PSMF1: variants seen among roughly 807,000 people sequenced by gnomAD.
The protein encoded by PSMF1 is proteasome inhibitor subunit 1, also known as proteasome inhibitor PI31 subunit.
In PSMF1, 30 loss-of-function variants were observed where a neutral mutation model predicts 29.3. The ratio of observed to expected loss-of-function variants is 1.02; its 90% confidence interval spans 0.77 to 1.39. The LOEUF (loss-of-function observed/expected upper bound fraction) is 1.39. Ranked by LOEUF, PSMF1 falls within the 40% of genes most tolerant of loss-of-function variation. The pLI, the probability that PSMF1 is intolerant of heterozygous loss-of-function variation, is 0.00. For missense variants in PSMF1, 344 were observed against 357.5 expected, an observed-to-expected ratio of 0.96 and a Z score of 0.31; for synonymous variants, 134 against 139.7, an observed-to-expected ratio of 0.96 and a Z score of 0.29.
chr20:1,161,800 G>A (rs751296810), intron 4 of PSMF1: 1 of 348,254 alleles, frequency 2.9e-6, no homozygotes, highest in Non-Finnish European at 5.4e-6. Context: ...TCACAAAACT[G>A]GAATAAGCTT....
At chr20:1,151,943 G>C (rs1248618241) in intron 4 of PSMF1, among the ~76,000 whole-genome samples, 1 of 152,160 alleles carries the variant, frequency 6.6e-6, no homozygotes, top group African/African-American at 2.4e-5. Context: ...CATGTGAAGG[G>C]AGAAAAGATG....
At chr20:1,143,889 G>A (rs2086414951) in intron 4 of PSMF1, among the ~76,000 whole-genome samples, 8 of 152,134 alleles carry the variant, frequency 5.3e-5, no homozygotes, top group South Asian at 2.1e-4. Context: ...CCAGGAATTC[G>A]AGATCAGCCT....
At chr20:1,160,797 G>C (rs1182623555) in intron 4 of PSMF1, 1 of 434,616 alleles carries the variant, frequency 2.3e-6, no homozygotes, top group African/African-American at 2.0e-5. Flanking sequence ...GTACCCCATC[G>C]AGCACAGGAT....
chr20:1,133,643 G>A (rs1054330328), intron 3 of PSMF1, among the ~76,000 whole-genome samples: 4 of 143,292 alleles, frequency 2.8e-5, no homozygotes, highest in African/African-American at 1.0e-4. Context: ...GAAATGGATT[G>A]GAACGTATTC....
rs60728448 is a variant in PSMF1, at chr20:1,133,555, G to GTGTGTA, written c.366-1565_366-1564insGTGTAT. Among the ~76,000 whole-genome samples, 121 of 53,978 alleles carry GTGTGTA rather than the reference G, an allele frequency of 2.2e-3. 4 individuals carry two copies. The highest frequency in any genetic ancestry group is 7.3e-3 in the African/African-American group (115 of 15,718). The allele number at this position is 53,978 out of a possible 152,430, so 35.4% of individuals were successfully genotyped here. On this transcript the variant is annotated intron_variant, in intron 3 of 6. Coordinates refer to ENST00000335877, the MANE Select transcript of PSMF1 (RefSeq NM_006814.5). The stretch of plus-strand genomic sequence containing the variant: ...ATAGGATATACTAGTCTATATATGT[G>GTGTGTA]TATATATATATATATTTTTTTTTTT...
At chr20:1,138,571 A>G (rs1407047882) in intron 4 of PSMF1, among the ~76,000 whole-genome samples, 2 of 151,644 alleles carry the variant, frequency 1.3e-5, no homozygotes, top group African/African-American at 4.9e-5. Context: ...GTTCATCTCG[A>G]TAGAAAAATA....
chr20:1,130,382 A>C (rs765451337), intron 3 of PSMF1, among the ~76,000 whole-genome samples: 5 of 152,210 alleles, frequency 3.3e-5, no homozygotes, highest in Non-Finnish European at 5.9e-5. Context: ...TAGGATAAAG[A>C]GCACAATCCT....
chr20:1,169,763 T>C lies in PSMF1; in HGVS notation c.*4683T>C, dbSNP rs1300617161. On this transcript the variant is annotated 3_prime_UTR_variant, in exon 7 of 7. Transcript: ENST00000335877. Reference sequence around the variant, plus strand: ...TAGCTCATCCAAGTTCAAGGCTCAATTGAATGCGTCTGGTTGTTGGAACCT... The same window carrying C: ...TAGCTCATCCAAGTTCAAGGCTCAACTGAATGCGTCTGGTTGTTGGAACCT... Among the ~76,000 whole-genome samples the C allele has an allele frequency of 6.6e-6, 1 of 152,182 alleles. No individual in the cohort carries two copies. Among genetic ancestry groups the C allele is most frequent in the Non-Finnish European group, 1.5e-5 (1 of 68,028 alleles).
chr20:1,122,982 G>A (rs889020853), intron 1 of PSMF1, among the ~76,000 whole-genome samples: 1 of 152,158 alleles, frequency 6.6e-6, no homozygotes, highest in African/African-American at 2.4e-5. Flanking sequence ...TCAAATTCCT[G>A]GCTTCCAAAG....
chr20:1,122,794 G>A (rs961130713), intron 1 of PSMF1, among the ~76,000 whole-genome samples: 1 of 152,234 alleles, frequency 6.6e-6, no homozygotes, highest in Admixed American at 6.5e-5. Context: ...TGCAGTTAGA[G>A]ATATCAGTTT....
chr20:1,124,139 A>G (rs750264610), intron 1 of PSMF1, among the ~76,000 whole-genome samples: 10 of 152,220 alleles, frequency 6.6e-5, no homozygotes, highest in Non-Finnish European at 1.3e-4. Flanking sequence ...GTCTCTGTAG[A>G]ACAGAAGCTT....
At chr20:1,140,730 TATA>T (rs1246246960) in intron 4 of PSMF1, among the ~76,000 whole-genome samples, 1 of 152,196 alleles carries the variant, frequency 6.6e-6, no homozygotes, top group African/African-American at 2.4e-5. Flanking sequence ...GTATCCAGAA[TATA>T]TAAAGAGCTC....
chr20:1,143,811 C>T (rs1462088446), intron 4 of PSMF1, among the ~76,000 whole-genome samples: 1 of 152,100 alleles, frequency 6.6e-6, no homozygotes, highest in East Asian at 1.9e-4. Context: ...AAAATGAAGG[C>T]CAGGCATGGT....
At chr20:1,159,623 C>CG (rs967491597) in intron 4 of PSMF1, among the ~76,000 whole-genome samples, 3 of 152,146 alleles carry the variant, frequency 2.0e-5, no homozygotes, top group Non-Finnish European at 2.9e-5. Flanking sequence ...CCACTCTGGG[C>CG]GGGGGGGCAC....
rs763498006 is a variant in PSMF1 at position 1,165,105 on chromosome 20, G to C, written c.*25G>C. ...AAGGCCTCAAGAATGTAACATCCCA[G>C]GCTTCCCTCCATTCTCCTGGAGCTG... is the stretch of plus-strand genomic sequence containing the variant. On this transcript the variant is annotated 3_prime_UTR_variant, in exon 7 of 7. Coordinates refer to ENST00000335877, the MANE Select transcript of PSMF1 (RefSeq NM_006814.5). 6 of 1,613,994 alleles carry C rather than the reference G, an allele frequency of 3.7e-6. No individual in the cohort carries two copies. The highest frequency in any genetic ancestry group is 4.2e-6 in the Non-Finnish European group (5 of 1,180,014).
chr20:1,157,546 A>G (rs1189458045), intron 4 of PSMF1, among the ~76,000 whole-genome samples: 3 of 151,880 alleles, frequency 2.0e-5, no homozygotes, highest in South Asian at 2.1e-4. Context: ...CTTATGTCAC[A>G]TGATAAAGGA....
At chr20:1,113,560 C>T (rs1568992192) in intron 1 of PSMF1, among the ~76,000 whole-genome samples, 1 of 151,702 alleles carries the variant, frequency 6.6e-6, no homozygotes. Context: ...ACAGGTGGAA[C>T]ATAGTCCTGG....
chr20:1,134,848 CCCCTACA>C, intron 3 of PSMF1: 2 of 510,536 alleles, frequency 3.9e-6, no homozygotes, highest in Middle Eastern at 5.9e-4. Context: ...AGGCCCTGTG[CCCCTACA>C]CCCTCACCTC....
At chr20:1,125,897 A>T (rs770287229) in intron 2 of PSMF1, 1 of 651,136 alleles carries the variant, frequency 1.5e-6, no homozygotes, top group Middle Eastern at 2.5e-4. Context: ...AAATAAGGTA[A>T]ATCTATTCAG....
Sources: gnomAD v4.1 joint callset for allele counts (sites outside exome capture counted in the v4.1 genomes callset) on GRCh38, gnomAD v4.1.1 for gene constraint, MANE v1.5 for transcripts, NCBI Gene and HGNC (gene_info 2026-07-23, HGNC 2026-07-21) for gene names.